The following LINGO2 variants were observed in gnomAD, a reference collection of about 807,000 sequenced individuals.
LINGO2 encodes the protein leucine-rich repeat and immunoglobulin-like domain-containing nogo receptor-interacting protein 2.
Under a neutral mutation model 30.6 loss-of-function variants are expected in LINGO2, and 14 were observed. That is an observed-to-expected ratio of 0.46 (90% CI 0.30 to 0.72). The LOEUF is 0.72. LINGO2 is among the 30% of genes least tolerant of loss of function. The pLI is 0.07. For synonymous variants in LINGO2, 317 were observed against 288.5 expected (o/e 1.10, Z -1.00); for missense variants, 729 against 751.7 (o/e 0.97, Z 0.35).
the LINGO2 span, among the ~76,000 whole-genome samples, chr9:28,869,070 G>A: frequency 2.7e-4 from 41 of 152,082 alleles, 2 homozygotes; most frequent in Middle Eastern, 0.024. Context: ...ATTTATCACT[G>A]CCAAAGATCA....
At chr9:28,506,505 CAT>C (rs773033942) in intron 1 of LINGO2, among the ~76,000 whole-genome samples, 910 of 84,420 alleles carry the variant, frequency 0.011, 162 homozygotes, top group African/African-American at 0.037. Context: ...CACACACAGA[CAT>C]ATATATATAT....
At chr9:28,418,524 G>T (rs749922281) in intron 2 of LINGO2, among the ~76,000 whole-genome samples, 2 of 151,940 alleles carry the variant, frequency 1.3e-5, no homozygotes, top group African/African-American at 4.8e-5. Context: ...TGATCTGCCC[G>T]CCTGTGCCTC....
At chr9:28,384,546 A>C (rs1288629033) in intron 2 of LINGO2, among the ~76,000 whole-genome samples, 1 of 151,794 alleles carries the variant, frequency 6.6e-6, no homozygotes, top group African/African-American at 2.4e-5. Context: ...CACTATTTTT[A>C]AAACAAACAC....
the LINGO2 span, among the ~76,000 whole-genome samples, chr9:28,728,141 C>A: frequency 6.6e-6 from 1 of 152,000 alleles, no homozygotes; most frequent in Non-Finnish European, 1.5e-5. Flanking sequence ...TTCAGGAAAC[C>A]TTTTCTCTAC....
intron 4 of LINGO2, among the ~76,000 whole-genome samples, chr9:28,017,795 G>A (rs1227423430): frequency 6.6e-6 from 1 of 152,124 alleles, no homozygotes; most frequent in Non-Finnish European, 1.5e-5. Flanking sequence ...AAAGCAGTAT[G>A]ATTCAATGCT....
chr9:28,310,060 G>A (rs2134249611), intron 3 of LINGO2, among the ~76,000 whole-genome samples: 1 of 152,246 alleles, frequency 6.6e-6, no homozygotes, highest in South Asian at 2.1e-4. Context: ...TGGTAGGAGT[G>A]TAATATGACA....
At chr9:29,126,339 G>C in the LINGO2 span, among the ~76,000 whole-genome samples, 2 of 152,080 alleles carry the variant, frequency 1.3e-5, no homozygotes, top group Non-Finnish European at 2.9e-5. Context: ...CTAGATCTGA[G>C]TTTCCCCATC....
chr9:28,032,045 G>T (rs992992739), intron 4 of LINGO2, among the ~76,000 whole-genome samples: 2 of 151,662 alleles, frequency 1.3e-5, no homozygotes, highest in East Asian at 1.9e-4. Flanking sequence ...GAGGGGTGGG[G>T]GGGGAAAGCC....
intron 1 of LINGO2, among the ~76,000 whole-genome samples, chr9:28,593,441 A>T (rs186177735): frequency 1.3e-5 from 2 of 152,058 alleles, no homozygotes; most frequent in East Asian, 3.9e-4. Flanking sequence ...ACCCACTCTT[A>T]CTCACTTCCA....
intron 5 of LINGO2, among the ~76,000 whole-genome samples, chr9:28,009,200 A>G (rs1172843574): frequency 6.6e-6 from 1 of 152,152 alleles, no homozygotes; most frequent in Non-Finnish European, 1.5e-5. Context: ...GCAAAAGAAT[A>G]AAGTTGAACC....
At chr9:28,492,448 C>T (rs1208715615) in intron 1 of LINGO2, among the ~76,000 whole-genome samples, 1 of 152,008 alleles carries the variant, frequency 6.6e-6, no homozygotes, top group Non-Finnish European at 1.5e-5. Context: ...ATGTTGCCAC[C>T]GTTGTAATGA....
chr9:29,193,843 G>A, the LINGO2 span, among the ~76,000 whole-genome samples: 3 of 152,148 alleles, frequency 2.0e-5, no homozygotes, highest in East Asian at 1.9e-4. Flanking sequence ...CTCCTGTAAC[G>A]TTCACTGCTA....
At chr9:28,290,439 T>G (rs564494047) in intron 4 of LINGO2, among the ~76,000 whole-genome samples, 2 of 152,280 alleles carry the variant, frequency 1.3e-5, no homozygotes, top group East Asian at 3.9e-4. Context: ...TATGGCAGAC[T>G]AAAAGTGTTA....
chr9:28,368,836 T>G (rs1820788604), intron 3 of LINGO2, among the ~76,000 whole-genome samples: 1 of 152,050 alleles, frequency 6.6e-6, no homozygotes, highest in Non-Finnish European at 1.5e-5. Context: ...GACCTCGTGA[T>G]CCACCTGCCT....
At chr9:28,883,540 C>T in the LINGO2 span, among the ~76,000 whole-genome samples, 1 of 149,686 alleles carries the variant, frequency 6.7e-6, no homozygotes, top group Admixed American at 6.7e-5. Flanking sequence ...AGGTATTTCC[C>T]TTCTATGCTG....
At chr9:28,647,199 G>A (rs913760610) in intron 1 of LINGO2, among the ~76,000 whole-genome samples, 4 of 152,030 alleles carry the variant, frequency 2.6e-5, no homozygotes, top group Admixed American at 2.0e-4. Context: ...GTAGAGATAT[G>A]GGAACGCTTG....
At chr9:28,021,853 A>G (rs1823142329) in intron 4 of LINGO2, among the ~76,000 whole-genome samples, 1 of 136,632 alleles carries the variant, frequency 7.3e-6, no homozygotes, top group South Asian at 2.4e-4. Context: ...TTTTAAGCCG[A>G]ATCTTGATCT....
At chr9:28,673,113 G>C (rs534538057), upstream of LINGO2, among the ~76,000 whole-genome samples, 4 of 152,070 alleles carry the variant, frequency 2.6e-5, no homozygotes, top group South Asian at 8.3e-4. Flanking sequence ...TTAAAGGGGA[G>C]TTTAAGTAAT....
the LINGO2 span, among the ~76,000 whole-genome samples, chr9:29,190,959 T>A: frequency 6.6e-6 from 1 of 152,188 alleles, no homozygotes; most frequent in East Asian, 1.9e-4. Context: ...GAAAGTTTCA[T>A]AAGGTCTCTA....
Sources: allele counts gnomAD v4.1 joint callset (sites outside exome capture counted in the v4.1 genomes callset), GRCh38; gene constraint gnomAD v4.1.1; transcripts MANE v1.5; gene names NCBI Gene and HGNC (gene_info 2026-07-23, HGNC 2026-07-21).